NXPH1: variants seen among roughly 807,000 people sequenced by gnomAD.
NXPH1 encodes the protein neurexophilin-1.
In NXPH1, 5 loss-of-function variants were observed where a neutral mutation model predicts 23.7. The ratio of observed to expected loss-of-function variants is 0.21; its 90% CI spans 0.11 to 0.44. The LOEUF is 0.44. Among genes scored for constraint, NXPH1 ranks in the 20% least tolerant of loss-of-function variants. The pLI is 0.99. For synonymous variants in NXPH1, 144 were observed against 122.2 expected (o/e 1.18, Z -1.18); for missense variants, 324 against 321.6 (o/e 1.01, Z -0.06).
intron 2 of NXPH1, among the ~76,000 whole-genome samples, chr7:8,525,190 T>A (rs1321518957): frequency 1.3e-5 from 2 of 152,184 alleles, no homozygotes; most frequent in African/African-American, 4.8e-5. Flanking sequence ...GGAGCAAAGG[T>A]GACTCTTGTT....
At chr7:8,669,014 G>A (rs1820825276) in intron 2 of NXPH1, among the ~76,000 whole-genome samples, 1 of 152,140 alleles carries the variant, frequency 6.6e-6, no homozygotes, top group Admixed American at 6.5e-5. Flanking sequence ...TGCTGACCTG[G>A]AGACTAGTTC....
intron 2 of NXPH1, among the ~76,000 whole-genome samples, chr7:8,691,078 T>A (rs1477683846): frequency 6.6e-6 from 1 of 152,238 alleles, no homozygotes; most frequent in Non-Finnish European, 1.5e-5. Context: ...CCTAGTGTTT[T>A]TCCAACCCTT....
chr7:8,650,225 T>C (rs763498378), intron 2 of NXPH1, among the ~76,000 whole-genome samples: 1 of 152,198 alleles, frequency 6.6e-6, no homozygotes, highest in Non-Finnish European at 1.5e-5. Flanking sequence ...ATTAGAAACT[T>C]CCAAGTCTGC....
chr7:8,717,197 T>C (rs1779891911), intron 2 of NXPH1, among the ~76,000 whole-genome samples: 1 of 152,188 alleles, frequency 6.6e-6, no homozygotes. Flanking sequence ...GCATCCTTTC[T>C]CTTGAGTTAA....
intron 2 of NXPH1, among the ~76,000 whole-genome samples, chr7:8,692,354 T>C (rs1279812324): frequency 6.6e-6 from 1 of 152,102 alleles, no homozygotes; most frequent in Non-Finnish European, 1.5e-5. Context: ...CAGTGATAGA[T>C]AGTGGTGGCT....
intron 2 of NXPH1, among the ~76,000 whole-genome samples, chr7:8,629,094 T>G (rs957082708): frequency 6.6e-6 from 1 of 152,098 alleles, no homozygotes; most frequent in Non-Finnish European, 1.5e-5. Context: ...ATTCCATTTC[T>G]GAAATACTGT....
chr7:8,633,360 G>A (rs1410422991), intron 2 of NXPH1, among the ~76,000 whole-genome samples: 2 of 152,186 alleles, frequency 1.3e-5, no homozygotes, highest in Non-Finnish European at 2.9e-5. Context: ...CCCAGGAGGC[G>A]GAGATTGCAG....
chr7:8,469,732 C>A (rs990912897), intron 2 of NXPH1, among the ~76,000 whole-genome samples: 1 of 152,102 alleles, frequency 6.6e-6, no homozygotes, highest in Non-Finnish European at 1.5e-5. Flanking sequence ...CACACTATTA[C>A]TATTATTGCT....
In NXPH1 at chr7:8,596,799, G is replaced by C. The variant is rs902782392; in HGVS notation, c.55-154209G>C. ...TTGAAATCAGGGAACTCTGAAGCCT[G>C]TGTTCTGAATCACTGCTTTTACTTT... On this transcript the variant is annotated intron_variant, in intron 2 of 2. Transcript: ENST00000405863. Among the ~76,000 whole-genome samples the C allele has an allele frequency of 3.3e-5, 5 of 152,132 alleles. No homozygotes were observed. The South Asian group carries it at 1.0e-3, about 32-fold the overall frequency.
At chr7:8,723,827 G>A (rs1780006068) in intron 2 of NXPH1, among the ~76,000 whole-genome samples, 1 of 151,870 alleles carries the variant, frequency 6.6e-6, no homozygotes, top group Non-Finnish European at 1.5e-5. Context: ...AGGGGAAGCA[G>A]CTTATACACA....
intron 2 of NXPH1, among the ~76,000 whole-genome samples, chr7:8,551,922 T>C (rs778187735): frequency 1.3e-5 from 2 of 151,398 alleles, no homozygotes; most frequent in Non-Finnish European, 3.0e-5. Flanking sequence ...GATCTATAGC[T>C]TTAAAGATGT....
intron 2 of NXPH1, among the ~76,000 whole-genome samples, chr7:8,613,995 T>C (rs927064546): frequency 2.6e-5 from 4 of 151,916 alleles, no homozygotes; most frequent in Admixed American, 1.3e-4. Context: ...TGGTTTTGTG[T>C]CTGTCCATAA....
chr7:8,664,899 A>G (rs1820736188), intron 2 of NXPH1, among the ~76,000 whole-genome samples: 1 of 151,398 alleles, frequency 6.6e-6, no homozygotes, highest in Non-Finnish European at 1.5e-5. Flanking sequence ...AAGTTGTTTG[A>G]GTTCTTGTAT....
chr7:8,603,715 A>AT (rs1384904479), intron 2 of NXPH1, among the ~76,000 whole-genome samples: 4 of 151,644 alleles, frequency 2.6e-5, no homozygotes, highest in Admixed American at 6.6e-5. Flanking sequence ...TTTTATTTTT[A>AT]TTTTTTACTC....
intron 2 of NXPH1, among the ~76,000 whole-genome samples, chr7:8,662,879 C>T (rs10952121): frequency 0.64 from 96,471 of 151,902 alleles, 31,536 homozygotes; most frequent in Middle Eastern, 0.76. Context: ...TTGGAAGATG[C>T]AACAATAAAA....
chr7:8,446,129 A>C (rs1020215165), intron 2 of NXPH1, among the ~76,000 whole-genome samples: 2 of 152,238 alleles, frequency 1.3e-5, no homozygotes, highest in Non-Finnish European at 2.9e-5. Flanking sequence ...TAGGAAGAAT[A>C]TAAAGTTAGG....
At chr7:8,566,883 A>G (rs1421568529) in intron 2 of NXPH1, among the ~76,000 whole-genome samples, 3 of 151,552 alleles carry the variant, frequency 2.0e-5, no homozygotes, top group Non-Finnish European at 4.4e-5. Context: ...CTATCTATCT[A>G]CTGTTAGTTC....
At chr7:8,535,318 T>G (rs911138332) in intron 2 of NXPH1, among the ~76,000 whole-genome samples, 3 of 152,088 alleles carry the variant, frequency 2.0e-5, no homozygotes, top group Admixed American at 2.0e-4. Context: ...AGATACATAA[T>G]AGAATCTTAT....
intron 2 of NXPH1, among the ~76,000 whole-genome samples, chr7:8,722,072 A>G (rs1281926622): frequency 2.0e-5 from 3 of 152,090 alleles, no homozygotes; most frequent in Admixed American, 6.6e-5. Context: ...ACCTTTATTC[A>G]TTAGAGGGTG....
Sources: allele counts gnomAD v4.1 joint callset (sites outside exome capture counted in the v4.1 genomes callset), GRCh38; gene constraint gnomAD v4.1.1; transcripts MANE v1.5; gene names NCBI Gene and HGNC (gene_info 2026-07-23, HGNC 2026-07-21).